The following EPHA6 variants were observed in gnomAD, a reference collection of about 807,000 sequenced individuals.
The protein encoded by EPHA6 is EPH receptor A6.
In EPHA6, 50 loss-of-function variants were observed where a neutral mutation model predicts 112.0. The ratio of observed to expected loss-of-function variants is 0.45; its 90% CI spans 0.36 to 0.56. The LOEUF is 0.56. EPHA6 is among the 20% of genes least tolerant of loss of function. The pLI is 0.00. For missense variants in EPHA6, 1,280 were observed against 1,417.4 expected (o/e 0.90, Z 1.56); for synonymous variants, 529 against 490.7 (o/e 1.08, Z -1.03).
At chr3:97,341,371 T>C (rs1320659155) in intron 5 of EPHA6, among the ~76,000 whole-genome samples, 2 of 152,060 alleles carry the variant, frequency 1.3e-5, no homozygotes, top group African/African-American at 2.4e-5. Context: ...CTTTTTTTTT[T>C]TTCAGACGGA....
chr3:96,991,417 C>T (rs1384642154), intron 3 of EPHA6, among the ~76,000 whole-genome samples: 2 of 152,126 alleles, frequency 1.3e-5, no homozygotes, highest in African/African-American at 4.8e-5. Context: ...AAGATAGCCC[C>T]TCATCTTCCA....
chr3:97,150,935 AATTC>A (rs1180452662), intron 3 of EPHA6, among the ~76,000 whole-genome samples: 1 of 152,070 alleles, frequency 6.6e-6, no homozygotes, highest in Admixed American at 6.6e-5. Context: ...TTAATTCACT[AATTC>A]ATTCATTTAT....
At chr3:97,014,969 A>C (rs1326839351) in intron 3 of EPHA6, among the ~76,000 whole-genome samples, 1 of 152,180 alleles carries the variant, frequency 6.6e-6, no homozygotes, top group Non-Finnish European at 1.5e-5. Context: ...GCTAGATAAA[A>C]GTGTTAATTC....
At chr3:97,655,916 AGAG>A (rs1333349185) in intron 14 of EPHA6, among the ~76,000 whole-genome samples, 1 of 152,070 alleles carries the variant, frequency 6.6e-6, no homozygotes, top group Non-Finnish European at 1.5e-5. Context: ...TAAAAAAAGA[AGAG>A]AAAGATCTCT....
intron 6 of EPHA6, among the ~76,000 whole-genome samples, chr3:97,418,501 A>C (rs2088322339): frequency 6.6e-6 from 1 of 152,180 alleles, no homozygotes; most frequent in Non-Finnish European, 1.5e-5. Context: ...TGACAACCAG[A>C]CTTAAAGCAG....
At chr3:97,404,430 T>G (rs2087201596) in intron 5 of EPHA6, among the ~76,000 whole-genome samples, 1 of 152,086 alleles carries the variant, frequency 6.6e-6, no homozygotes, top group Non-Finnish European at 1.5e-5. Context: ...AAAACTGCTG[T>G]TTTTTTAGAA....
rs147552628 is a variant in EPHA6 at position 97,520,305 on chromosome 3, G to A, written c.2201-12053G>A. On this transcript the variant is annotated intron_variant, in intron 10 of 17. Transcript: ENST00000389672. The stretch of plus-strand genomic sequence containing the variant: ...TTGAGACCTTTCTCTTCTACCAGTG[G>A]GTTTTATACGTTCATGTGTTTTTCT... 3.2e-3 allele frequency among the ~76,000 whole-genome samples: 483 copies of A among 152,138 alleles called. 2 individuals carry two copies. Among genetic ancestry groups the A allele is most frequent in the African/African-American group, 0.01 (418 of 41,484 alleles).
At chr3:96,886,122 G>T (rs1428001204) in intron 2 of EPHA6, among the ~76,000 whole-genome samples, 5 of 152,140 alleles carry the variant, frequency 3.3e-5, no homozygotes, top group Non-Finnish European at 7.4e-5. Flanking sequence ...AAAGTTCCAT[G>T]TGCTGTTGAA....
At chr3:97,067,900 T>C (rs1427233038) in intron 3 of EPHA6, among the ~76,000 whole-genome samples, 1 of 151,918 alleles carries the variant, frequency 6.6e-6, no homozygotes, top group Non-Finnish European at 1.5e-5. Flanking sequence ...CCCAACACTT[T>C]GGGAGGCTGA....
chr3:97,542,097 T>G (rs536714925), intron 11 of EPHA6, among the ~76,000 whole-genome samples: 5 of 151,120 alleles, frequency 3.3e-5, no homozygotes, highest in South Asian at 2.1e-4. Flanking sequence ...TTTTTTTGTT[T>G]TTTTTTTTTT....
At chr3:97,684,610 A>G (rs1262129763) in intron 14 of EPHA6, among the ~76,000 whole-genome samples, 1 of 152,168 alleles carries the variant, frequency 6.6e-6, no homozygotes, top group Non-Finnish European at 1.5e-5. Context: ...TGGTATAGGA[A>G]GGGTTTCCAG....
chr3:97,195,715 G>A (rs1389507739), intron 3 of EPHA6, among the ~76,000 whole-genome samples: 1 of 151,954 alleles, frequency 6.6e-6, no homozygotes, highest in Non-Finnish European at 1.5e-5. Flanking sequence ...GTCTGGGAAA[G>A]TCTTTATTTT....
chr3:97,074,344 T>C (rs2046451390), intron 3 of EPHA6, among the ~76,000 whole-genome samples: 1 of 152,024 alleles, frequency 6.6e-6, no homozygotes. Flanking sequence ...ATATTTTTAA[T>C]TTACTCTTTA....
intron 3 of EPHA6, among the ~76,000 whole-genome samples, chr3:97,066,126 A>G (rs1559705031): frequency 6.6e-6 from 1 of 152,080 alleles, no homozygotes; most frequent in Non-Finnish European, 1.5e-5. Context: ...TATTTCTAAT[A>G]AAATCAAGGA....
chr3:97,408,077 C>T (rs2087474595), intron 6 of EPHA6, among the ~76,000 whole-genome samples: 1 of 152,024 alleles, frequency 6.6e-6, no homozygotes, highest in Non-Finnish European at 1.5e-5. Flanking sequence ...ATATCCTCCA[C>T]AGAGGAGAAA....
At chr3:97,600,472 A>G (rs932359893) in intron 12 of EPHA6, among the ~76,000 whole-genome samples, 1 of 151,826 alleles carries the variant, frequency 6.6e-6, no homozygotes, top group African/African-American at 2.4e-5. Context: ...AGTTTTTAGC[A>G]TGAAGGGTTG....
chr3:97,422,598 T>A (rs138308466), intron 6 of EPHA6, among the ~76,000 whole-genome samples: 4 of 152,296 alleles, frequency 2.6e-5, no homozygotes, highest in Admixed American at 2.0e-4. Flanking sequence ...CTAACAGGTA[T>A]CTACAGAGCA....
At chr3:97,551,154 C>T (rs1326296529) in intron 11 of EPHA6, among the ~76,000 whole-genome samples, 1 of 152,184 alleles carries the variant, frequency 6.6e-6, no homozygotes, top group East Asian at 1.9e-4. Flanking sequence ...TGCCTTTCTA[C>T]ATAGACCAGA....
intron 2 of EPHA6, among the ~76,000 whole-genome samples, chr3:96,888,545 A>G (rs1051448590): frequency 2.6e-5 from 4 of 152,112 alleles, no homozygotes; most frequent in Admixed American, 6.5e-5. Flanking sequence ...GAAGCTGCCA[A>G]GGCTCGGTGC....
Sources: gnomAD v4.1 joint callset for allele counts (sites outside exome capture counted in the v4.1 genomes callset) on GRCh38, gnomAD v4.1.1 for gene constraint, MANE v1.5 for transcripts, NCBI Gene and HGNC (gene_info 2026-07-23, HGNC 2026-07-21) for gene names.